TXNDC16: variants seen among roughly 807,000 people sequenced by gnomAD.
The protein encoded by TXNDC16 is thioredoxin domain containing 16, also known as thioredoxin domain-containing protein 16.
Under a neutral mutation model 85.6 loss-of-function variants are expected in TXNDC16, and 74 were observed. That is an observed-to-expected ratio of 0.86 (90% confidence interval 0.72 to 1.05). TXNDC16 has a LOEUF of 1.05. Ranked by LOEUF, TXNDC16 falls within the 50% of genes least tolerant of loss-of-function variation. The probability of loss-of-function intolerance (pLI) is 0.00; values close to 1 mark genes in which losing one functional copy is unlikely to be tolerated. For synonymous variants in TXNDC16, 335 were observed against 326.5 expected (o/e 1.03, Z -0.28); for missense variants, 959 against 947.0 (o/e 1.01, Z -0.17).
chr14:52,495,930 C>T (rs990478231), intron 9 of TXNDC16, among the ~76,000 whole-genome samples: 3 of 152,038 alleles, frequency 2.0e-5, no homozygotes, highest in Non-Finnish European at 4.4e-5. Flanking sequence ...GAGGCTGAGG[C>T]AGGCGGATCA....
chr14:52,498,455 A>G (rs1486544529), intron 9 of TXNDC16, among the ~76,000 whole-genome samples: 1 of 151,848 alleles, frequency 6.6e-6, no homozygotes, highest in South Asian at 2.1e-4. Flanking sequence ...ACACCAGAAA[A>G]CCATAAGAAC....
Position 52,511,390 on chromosome 14 carries a change from G to A in TXNDC16, c.606C>T (p.Gly202=), listed in dbSNP as rs751824086. Residue 202 remains glycine, a splice_region_variant and synonymous_variant, in exon 9 of 21, where the codon GGC becomes GGT. Transcript: ENST00000281741. Reference sequence around the variant, plus strand: ...GATGTGCATATTCCACATCCTCAGAGCTACAAATTAAAAATTAATTAACTT... The same window carrying A: ...GATGTGCATATTCCACATCCTCAGAACTACAAATTAAAAATTAATTAACTT... ...TTEIALLESI[G]SEDVEYAHLY... 15 of 1,557,754 alleles carry A rather than the reference G, an allele frequency of 9.6e-6. No homozygotes were observed. The highest frequency in any genetic ancestry group is 1.2e-5 in the Non-Finnish European group (14 of 1,144,926).
intron 18 of TXNDC16, among the ~76,000 whole-genome samples, chr14:52,446,396 A>C (rs1210299694): frequency 6.6e-6 from 1 of 152,196 alleles, no homozygotes; most frequent in Non-Finnish European, 1.5e-5. Context: ...GCCAGAGCAG[A>C]AATGCCCATC....
At chr14:52,439,056 C>A in intron 20 of TXNDC16, 148 bp downstream of exon 20, 4 of 792,098 alleles carry the variant, frequency 5.0e-6, no homozygotes, top group Middle Eastern at 7.4e-4. Flanking sequence ...AGCCTTGCAC[C>A]TTTGGCCTCC....
chr14:52,443,772 G>T (rs938577363), intron 18 of TXNDC16, among the ~76,000 whole-genome samples: 1 of 152,126 alleles, frequency 6.6e-6, no homozygotes, highest in African/African-American at 2.4e-5. Flanking sequence ...TTTTTCAAAA[G>T]ATGACTAACT....
intron 10 of TXNDC16, 44 bp from the exon 11 acceptor site, chr14:52,490,495 GAAT>G: frequency 7.1e-7 from 1 of 1,411,938 alleles, no homozygotes; most frequent in Non-Finnish European, 9.8e-7. Flanking sequence ...CTAATCTGAA[GAAT>G]AATAGTCACC....
At chr14:52,475,241 C>A (rs2035994327) in intron 14 of TXNDC16, among the ~76,000 whole-genome samples, 1 of 152,158 alleles carries the variant, frequency 6.6e-6, no homozygotes, top group African/African-American at 2.4e-5. Flanking sequence ...CTACCAGAGG[C>A]ACTCAGAGAA....
rs1460570675 is a variant in TXNDC16 at position 52,470,498 on chromosome 14, A to C, written c.1481+14T>G. The C allele has an allele frequency of 1.2e-6, 2 of 1,604,876 alleles. No individual in the cohort carries two copies. Among genetic ancestry groups the C allele is most frequent in the Non-Finnish European group, 1.7e-6 (2 of 1,176,796 alleles). On this transcript the variant is annotated intron_variant, in intron 15 of 20. Coordinates refer to ENST00000281741, the MANE Select transcript of TXNDC16 (RefSeq NM_020784.3). ...TAAACATTCAGAGATCTTATAATGA[A>C]GCTGAATACTTACAGCTGGATAAAT...
intron 14 of TXNDC16, among the ~76,000 whole-genome samples, chr14:52,475,050 G>A (rs2035989967): frequency 6.6e-6 from 1 of 152,112 alleles, no homozygotes; most frequent in Non-Finnish European, 1.5e-5. Context: ...CCACCACCGG[G>A]GAACCTAAAG....
At position 52,545,677 on chromosome 14, in the gene TXNDC16, G is replaced by C. The variant is rs531336567; in HGVS notation, c.-181-1306C>G. 2.0e-5 allele frequency among the ~76,000 whole-genome samples: 3 copies of C among 152,256 alleles called. No individual in the cohort carries two copies. The East Asian group carries it at 5.8e-4, about 29-fold the overall frequency. The stretch of plus-strand genomic sequence containing the variant: ...CCAAAAACCAAGTTTATTGAAAATA[G>C]GACGGTCAATGCCAAAACAAACAGT... On this transcript the variant is annotated intron_variant, in intron 1 of 20. Coordinates refer to ENST00000281741, the MANE Select transcript of TXNDC16 (RefSeq NM_020784.3).
At chr14:52,505,026 G>A (rs539325819) in intron 9 of TXNDC16, among the ~76,000 whole-genome samples, 11 of 152,190 alleles carry the variant, frequency 7.2e-5, no homozygotes, top group South Asian at 2.1e-4. Flanking sequence ...GCTAACTATC[G>A]TAAATATATA....
chr14:52,539,340 A>G (rs1372285019), intron 4 of TXNDC16, among the ~76,000 whole-genome samples: 1 of 152,180 alleles, frequency 6.6e-6, no homozygotes, highest in East Asian at 1.9e-4. Context: ...AGCAGAGGGG[A>G]AAATATCTGC....
At chr14:52,521,072 A>G (rs534730125) in intron 6 of TXNDC16, among the ~76,000 whole-genome samples, 28 of 152,094 alleles carry the variant, frequency 1.8e-4, no homozygotes, top group African/African-American at 6.5e-4. Context: ...AAAAAAAACT[A>G]TAATTTATAA....
Position 52,432,583 on chromosome 14 carries a change from A to C in TXNDC16, c.2199T>G (p.Ile733Met), listed in dbSNP as rs200867005. The change falls in exon 21 of 21, where the codon ATT becomes ATG. Residue 733 changes from isoleucine (I) to methionine (M), a missense_variant. Coordinates refer to ENST00000281741, the MANE Select transcript of TXNDC16 (RefSeq NM_020784.3). Reference sequence around the variant, plus strand: ...GAGGTTTCCATTCTTGAGCAGGTAAAATTGCTGGAAGGAAGAAACAATCAA... The same window carrying C: ...GAGGTTTCCATTCTTGAGCAGGTAACATTGCTGGAAGGAAGAAACAATCAA... ...LEAGLENHIT[I>M]LPAQEWKPPL... is the part of the protein sequence containing the mutation. 55 of 1,600,304 alleles carry C rather than the reference A, an allele frequency of 3.4e-5. No homozygotes were observed. The highest frequency in any genetic ancestry group is 4.3e-5 in the Non-Finnish European group (50 of 1,174,364).
intron 1 of TXNDC16, among the ~76,000 whole-genome samples, chr14:52,551,445 C>G (rs2038044160): frequency 7.2e-6 from 1 of 139,420 alleles, no homozygotes; most frequent in Admixed American, 7.6e-5. Context: ...ACAGCCTGGG[C>G]GACAGAGCGA....
chr14:52,439,465 G>A (rs2035116150), intron 19 of TXNDC16, 71 bp from the exon 20 acceptor site: 6 of 1,369,522 alleles, frequency 4.4e-6, no homozygotes, highest in Non-Finnish European at 4.0e-6. Context: ...GTAATTCGTA[G>A]AACATTAAAC....
At chr14:52,509,923 G>C (rs2036915339) in intron 9 of TXNDC16, among the ~76,000 whole-genome samples, 1 of 151,810 alleles carries the variant, frequency 6.6e-6, no homozygotes, top group Admixed American at 6.6e-5. Context: ...GGAGCTTGCA[G>C]TGAGCCGAGA....
chr14:52,509,264 G>A (rs1457880930), intron 9 of TXNDC16, among the ~76,000 whole-genome samples: 1 of 152,056 alleles, frequency 6.6e-6, no homozygotes, highest in African/African-American at 2.4e-5. Context: ...GTAAAGCTAG[G>A]TATGAGTCCT....
intron 20 of TXNDC16, among the ~76,000 whole-genome samples, chr14:52,436,130 A>C (rs2035021138): frequency 6.6e-6 from 1 of 152,232 alleles, no homozygotes; most frequent in African/African-American, 2.4e-5. Context: ...ATGTATGCTC[A>C]TAGCAGCATT....
Sources: gnomAD v4.1 joint callset for allele counts (sites outside exome capture counted in the v4.1 genomes callset) on GRCh38, gnomAD v4.1.1 for gene constraint, MANE v1.5 for transcripts, NCBI Gene and HGNC (gene_info 2026-07-23, HGNC 2026-07-21) for gene names.